The following CLIC5 variants were observed in gnomAD, a reference collection of about 807,000 sequenced individuals.
The protein encoded by CLIC5 is chloride intracellular channel protein 5.
A neutral mutation model predicts 24.7 loss-of-function variants in CLIC5; 20 were observed. The observed-to-expected ratio is 0.81, with a 90% CI of 0.57 to 1.18. The LOEUF is 1.18. CLIC5 is among the 50% of genes most tolerant of loss of function. The pLI, the probability that CLIC5 is intolerant of heterozygous loss-of-function variation, is 0.00. For missense variants in CLIC5, 341 were observed against 326.1 expected (o/e 1.05, Z -0.35); for synonymous variants, 159 against 135.6 (o/e 1.17, Z -1.20).
At chr6:46,042,842 G>C (rs550077007) in intron 1 of CLIC5, among the ~76,000 whole-genome samples, 7 of 152,224 alleles carry the variant, frequency 4.6e-5, no homozygotes, top group African/African-American at 1.7e-4. Flanking sequence ...TGGCAATAGA[G>C]ACAAAGCTAG....
At chr6:46,099,302 G>C in the CLIC5 span, among the ~76,000 whole-genome samples, 7 of 152,180 alleles carry the variant, frequency 4.6e-5, no homozygotes, top group African/African-American at 7.2e-5. Context: ...GAGTTTTCAG[G>C]AATGCTGTGG....
the CLIC5 span, among the ~76,000 whole-genome samples, chr6:46,113,307 A>G: frequency 6.6e-6 from 1 of 152,308 alleles, no homozygotes; most frequent in South Asian, 2.1e-4. Context: ...CTGAGTGAAG[A>G]CTAGAGAGTA....
At chr6:46,053,225 C>T (rs1037633944) in intron 1 of CLIC5, among the ~76,000 whole-genome samples, 2 of 152,046 alleles carry the variant, frequency 1.3e-5, no homozygotes, top group African/African-American at 4.8e-5. Context: ...ATAATCATTC[C>T]GTGACAGACC....
At chr6:45,892,206 G>A (rs115647716) in intron 6 of CLIC5, 7 of 152,252 alleles carry the variant, frequency 4.6e-5, no homozygotes, top group Admixed American at 1.3e-4. Flanking sequence ...ATGAACATAA[G>A]CAACTGTTGT....
upstream of CLIC5, chr6:46,080,353 G>T: frequency 4.7e-6 from 4 of 847,674 alleles, no homozygotes; most frequent in South Asian, 5.5e-5. Flanking sequence ...GCTCTTAAAA[G>T]GCAGCAACTA....
chr6:45,920,851 C>T (rs945119844), intron 4 of CLIC5, among the ~76,000 whole-genome samples: 4 of 152,052 alleles, frequency 2.6e-5, no homozygotes, highest in African/African-American at 7.2e-5. Flanking sequence ...GCTGCTATAA[C>T]GAGCTCAATT....
chr6:46,075,739 T>C (rs1762748773), intron 1 of CLIC5, among the ~76,000 whole-genome samples: 1 of 152,202 alleles, frequency 6.6e-6, no homozygotes, highest in African/African-American at 2.4e-5. Flanking sequence ...TTAAACAAAA[T>C]ACTAGAATGC....
At chr6:45,953,248 A>G (rs1349133917) in intron 2 of CLIC5, among the ~76,000 whole-genome samples, 1 of 152,086 alleles carries the variant, frequency 6.6e-6, no homozygotes, top group Non-Finnish European at 1.5e-5. Context: ...TTTTTTTTTA[A>G]TGAGAAAGCA....
At chr6:46,021,521 G>A (rs1276984806) in intron 1 of CLIC5, among the ~76,000 whole-genome samples, 1 of 151,912 alleles carries the variant, frequency 6.6e-6, no homozygotes, top group Non-Finnish European at 1.5e-5. Flanking sequence ...CCCCAAACTG[G>A]AAACATCCCC....
intron 1 of CLIC5, among the ~76,000 whole-genome samples, chr6:45,997,125 C>T (rs1766173476): frequency 6.6e-6 from 1 of 150,540 alleles, no homozygotes; most frequent in Non-Finnish European, 1.5e-5. Context: ...CAATGATAGA[C>T]TGGATTAAGA....
chr6:45,888,155 G>T (rs530402096), intron 6 of CLIC5, among the ~76,000 whole-genome samples: 1 of 152,114 alleles, frequency 6.6e-6, no homozygotes, highest in Non-Finnish European at 1.5e-5. Context: ...CCTGGGGTGG[G>T]GGGGATTTCC....
In CLIC5 at chr6:45,989,268, T is replaced by G. The variant is rs543131584; in HGVS notation, c.63+26212A>C. Among the ~76,000 whole-genome samples, 149 of 152,314 alleles carry G rather than the reference T, an allele frequency of 9.8e-4. 1 individual carries two copies. The highest frequency in any genetic ancestry group is 2.8e-3 in the African/African-American group (115 of 41,582). Reference sequence around the variant, plus strand: ...TTTCCTGATTGTCATCACTAAGACCTGAGACACCCTTTTCCAGCTTCTCTG... The same window carrying G: ...TTTCCTGATTGTCATCACTAAGACCGGAGACACCCTTTTCCAGCTTCTCTG... On this transcript the variant is annotated intron_variant, in intron 1 of 5. Coordinates refer to ENST00000339561, the MANE Select transcript of CLIC5 (RefSeq NM_016929.5).
chr6:45,958,425 TATATATATATA>T (rs1764720764), intron 1 of CLIC5, among the ~76,000 whole-genome samples: 1 of 5,120 alleles, frequency 2.0e-4, no homozygotes, highest in Non-Finnish European at 9.6e-4. Flanking sequence ...AAGACAATTA[TATATATATATA>T]TATATATATA....
chr6:46,121,311 A>T, the CLIC5 span, among the ~76,000 whole-genome samples: 1 of 152,216 alleles, frequency 6.6e-6, no homozygotes, highest in African/African-American at 2.4e-5. Context: ...TCAACCCAGA[A>T]TTTCATATCC....
intron 1 of CLIC5, among the ~76,000 whole-genome samples, chr6:45,962,206 A>C (rs938509236): frequency 3.3e-5 from 5 of 150,506 alleles, no homozygotes; most frequent in Non-Finnish European, 7.4e-5. Context: ...ATACACATAT[A>C]TATAATACAT....
chr6:46,066,617 G>A lies in CLIC5; in HGVS notation c.540+13086C>T, dbSNP rs376237460. Among the ~76,000 whole-genome samples, 274 of 152,228 alleles carry A rather than the reference G, an allele frequency of 1.8e-3. 1 individual carries two copies. The highest frequency in any genetic ancestry group is 6.2e-3 in the African/African-American group (258 of 41,532). ...ATGGACCAGACTTTGTGCTAACTGT[G>A]GGGGGTACATGGTTGAATAAGATGT... On this transcript the variant is annotated intron_variant, in intron 1 of 5. Transcript: ENST00000185206.
downstream of CLIC5, among the ~76,000 whole-genome samples, chr6:45,895,735 T>C (rs1436031118): frequency 6.6e-6 from 1 of 152,226 alleles, no homozygotes; most frequent in Non-Finnish European, 1.5e-5. Context: ...GCTTAGTTTG[T>C]AATTGGGGAC....
chr6:45,932,966 G>A (rs56766806), intron 4 of CLIC5, among the ~76,000 whole-genome samples: 3,518 of 152,262 alleles, frequency 0.023, 80 homozygotes, highest in East Asian at 0.087. Context: ...CTTCAATCAC[G>A]TTCCCATTCA....
rs67557243 is a variant in CLIC5, at chr6:46,036,306, C to CTTTTTTTTTTTTTTTTTTTTTTTTTTTT, written c.540+43396_540+43397insAAAAAAAAAAAAAAAAAAAAAAAAAAAA. 2.3e-5 allele frequency among the ~76,000 whole-genome samples: 2 copies of CTTTTTTTTTTTTTTTTTTTTTTTTTTTT among 88,164 alleles called. 1 individual carries two copies. Among genetic ancestry groups the CTTTTTTTTTTTTTTTTTTTTTTTTTTTT allele is most frequent in the Non-Finnish European group, 4.2e-5 (2 of 47,436 alleles). 57.8% of individuals were successfully genotyped at this position (88,164 alleles called of 152,430 possible). ...TGTCTCCCCACCTAGACTGCAAGGT[C>CTTTTTTTTTTTTTTTTTTTTTTTTTTTT]TTTTTTTTTTTTTTTTTTTTTGAGA... On this transcript the variant is annotated intron_variant, in intron 1 of 5. Coordinates refer to the CLIC5 transcript ENST00000185206.
Sources: gnomAD v4.1 joint callset for allele counts (sites outside exome capture counted in the v4.1 genomes callset) on GRCh38, gnomAD v4.1.1 for gene constraint, MANE v1.5 for transcripts, NCBI Gene and HGNC (gene_info 2026-07-23, HGNC 2026-07-21) for gene names.